Variants in UMODL1 observed in about 807,000 individuals in gnomAD.
UMODL1 encodes the protein uromodulin like 1, also known as uromodulin-like 1.
A neutral mutation model predicts 136.3 loss-of-function variants in UMODL1; 128 were observed. The ratio of observed to expected loss-of-function variants is 0.94; its 90% CI spans 0.81 to 1.09. UMODL1 has a LOEUF of 1.09. Ranked by LOEUF, UMODL1 falls within the 50% of genes least tolerant of loss-of-function variation. The pLI, the probability that UMODL1 is intolerant of heterozygous loss-of-function variation, is 0.00. For missense variants in UMODL1, 1,766 were observed against 1,725.6 expected (o/e 1.02, Z -0.41); for synonymous variants, 721 against 720.0 (o/e 1.00, Z -0.02).
At chr21:42,084,270 T>C (rs2066399507) in intron 3 of UMODL1, 25 bp downstream of exon 3, 4 of 1,609,126 alleles carry the variant, frequency 2.5e-6, no homozygotes, top group East Asian at 2.2e-5. Context: ...GCCATGCTTA[T>C]GGACAGGCAG....
chr21:42,072,890 G>A lies in UMODL1; in HGVS notation c.76+1498G>A, dbSNP rs147303602. ...GGGTCTTTGCGGGATGGCAGGATCT[G>A]CTAACTGCTTTCTTCTCTGGGCTTG... On this transcript the variant is annotated intron_variant, in intron 1 of 22. Transcript: ENST00000408910. Among the ~76,000 whole-genome samples, 468 of 152,348 alleles carry A rather than the reference G, an allele frequency of 3.1e-3. 2 individuals are homozygous for A. Among genetic ancestry groups the A allele is most frequent in the African/African-American group, 0.011 (449 of 41,594 alleles).
At chr21:42,097,397 A>G (rs1334663381) in intron 6 of UMODL1, among the ~76,000 whole-genome samples, 1 of 152,204 alleles carries the variant, frequency 6.6e-6, no homozygotes, top group Non-Finnish European at 1.5e-5. Flanking sequence ...GCTCAGTCTC[A>G]GGTTGGAAGG....
intron 6 of UMODL1, among the ~76,000 whole-genome samples, chr21:42,096,414 C>T (rs907920212): frequency 6.6e-5 from 10 of 152,188 alleles, no homozygotes; most frequent in African/African-American, 2.4e-4. Flanking sequence ...CCCCTGGCAT[C>T]TTAATTTAAA....
At chr21:42,075,027 T>C (rs1381609294) in intron 1 of UMODL1, among the ~76,000 whole-genome samples, 1 of 152,000 alleles carries the variant, frequency 6.6e-6, no homozygotes, top group Non-Finnish European at 1.5e-5. Context: ...GCCTCCCAAG[T>C]AGCTGGGACT....
chr21:42,100,505 T>C (rs1376423893), intron 7 of UMODL1, among the ~76,000 whole-genome samples: 1 of 151,850 alleles, frequency 6.6e-6, no homozygotes, highest in East Asian at 1.9e-4. Flanking sequence ...ACACAAGCCC[T>C]CCACTGTGCA....
chr21:42,116,054 G>A, intron 14 of UMODL1, 69 bp downstream of exon 14: 1 of 1,329,472 alleles, frequency 7.5e-7, no homozygotes, highest in Non-Finnish European at 1.1e-6. Flanking sequence ...AGAATTCTAG[G>A]TTAGGCACGG....
At chr21:42,133,785 T>A (rs1357058785) in intron 21 of UMODL1, among the ~76,000 whole-genome samples, 1 of 152,254 alleles carries the variant, frequency 6.6e-6, no homozygotes, top group Non-Finnish European at 1.5e-5. Context: ...CATGTTGGAC[T>A]AGGGGCCTAT....
chr21:42,082,755 C>A (rs2066376979), intron 2 of UMODL1, among the ~76,000 whole-genome samples: 1 of 152,204 alleles, frequency 6.6e-6, no homozygotes, highest in African/African-American at 2.4e-5. Context: ...GCAGGCTCTG[C>A]GGCATCGGGC....
intron 9 of UMODL1, chr21:42,108,302 G>C: frequency 1.9e-6 from 1 of 521,374 alleles, no homozygotes; most frequent in South Asian, 1.5e-5. Flanking sequence ...TTACCTGTAG[G>C]CTGGAGGTTG....
intron 1 of UMODL1, 101 bp downstream of exon 1, chr21:42,071,493 A>G (rs2066231510): frequency 2.4e-6 from 3 of 1,236,116 alleles, no homozygotes; most frequent in Non-Finnish European, 3.2e-6. Context: ...GCAGGCAAGG[A>G]CGCCTCTGCT....
chr21:42,111,072 A>G lies in UMODL1; in HGVS notation c.1850A>G (p.Asn617Ser), dbSNP rs746047701. ...CCCTCACCCAGAAGAGGGGGCAGCA[A>G]TGTGGTCGGGTATGACAGGAACAAC... ...PEPSPRRGGS[N>S]VVGYDRNNTG... is the part of the protein sequence containing the mutation. The change falls in exon 11 of 23, where the codon AAT becomes AGT. Residue 617 changes from asparagine (N) to serine (S), a missense_variant. Physicochemically the swap from Asn to Ser is conservative, Grantham distance 46. Coordinates refer to ENST00000408910, the MANE Select transcript of UMODL1 (RefSeq NM_001004416.3). 1 of 1,613,358 alleles carries G rather than the reference A, an allele frequency of 6.2e-7. No individual in the cohort carries two copies. Among genetic ancestry groups the G allele is most frequent in the African/African-American group, 1.3e-5 (1 of 75,046 alleles).
At chr21:42,136,874 C>T (rs2067211493) in intron 21 of UMODL1, among the ~76,000 whole-genome samples, 1 of 152,150 alleles carries the variant, frequency 6.6e-6, no homozygotes, top group African/African-American at 2.4e-5. Flanking sequence ...TCTCCTGCCT[C>T]AGCCTCCCGA....
At chr21:42,071,104 C>T (rs1208857663), upstream of UMODL1, among the ~76,000 whole-genome samples, 1 of 152,188 alleles carries the variant, frequency 6.6e-6, no homozygotes, top group Admixed American at 6.5e-5. Context: ...CCCAGGGAAA[C>T]GGCCATGGCA....
At chr21:42,079,203 G>GCCCA (rs1374798166) in intron 2 of UMODL1, among the ~76,000 whole-genome samples, 1 of 152,124 alleles carries the variant, frequency 6.6e-6, no homozygotes, top group East Asian at 1.9e-4. Context: ...CCCCACCCAT[G>GCCCA]CCCACCATCA....
intron 9 of UMODL1, among the ~76,000 whole-genome samples, chr21:42,109,286 TAAAGAAG>T (rs1355653484): frequency 6.6e-6 from 1 of 152,162 alleles, no homozygotes; most frequent in Non-Finnish European, 1.5e-5. Context: ...GGAAACAGAA[TAAAGAAG>T]AGAGGGCTAC....
rs777412148 is a variant in UMODL1, at chr21:42,129,809, A to G, written c.3775+12A>G. 1.3e-6 allele frequency: 2 copies of G among 1,554,272 alleles called. No homozygotes were observed. The highest frequency in any genetic ancestry group is 1.7e-6 in the Non-Finnish European group (2 of 1,156,368). On this transcript the variant is annotated intron_variant, in intron 21 of 22. Coordinates refer to ENST00000408910, the MANE Select transcript of UMODL1 (RefSeq NM_001004416.3). ...CATCCGGTCTGAAGGTGAGTTGATG[A>G]CTTGGTTTAGACAATGAAAGAAAAG... is the stretch of plus-strand genomic sequence containing the variant.
chr21:42,101,568 T>A, intron 7 of UMODL1: 1 of 376,408 alleles, frequency 2.7e-6, no homozygotes, highest in Non-Finnish European at 5.3e-6. Context: ...ACGCTTGGGT[T>A]GTGCATGCTG....
intron 1 of UMODL1, 85 bp from the exon 2 acceptor site, chr21:42,075,920 A>G (rs2066285071): frequency 1.9e-6 from 3 of 1,569,638 alleles, no homozygotes; most frequent in African/African-American, 1.4e-5. Context: ...CTCACTTGCT[A>G]TTGCAGAGGG....
intron 21 of UMODL1, among the ~76,000 whole-genome samples, chr21:42,132,164 A>T (rs1355520772): frequency 1.3e-5 from 2 of 151,882 alleles, no homozygotes; most frequent in African/African-American, 4.8e-5. Context: ...CCATCTACCC[A>T]TTCATTCATC....
Sources: allele counts gnomAD v4.1 joint callset (sites outside exome capture counted in the v4.1 genomes callset), GRCh38; gene constraint gnomAD v4.1.1; transcripts MANE v1.5; gene names NCBI Gene and HGNC (gene_info 2026-07-23, HGNC 2026-07-21).